Variants in KLF16 observed in about 807,000 individuals in gnomAD.
KLF16 encodes KLF transcription factor 16.
Under a neutral mutation model 6.1 loss-of-function variants are expected in KLF16, and 6 were observed. The ratio of observed to expected loss-of-function variants is 0.98; its 90% confidence interval spans 0.54 to 1.93. The LOEUF (loss-of-function observed/expected upper bound fraction) is 1.93. Ranked by LOEUF, KLF16 falls within the 30% of genes most tolerant of loss-of-function variation. The pLI, the probability that KLF16 is intolerant of heterozygous loss-of-function variation, is 0.01. For missense variants in KLF16, 355 were observed against 363.8 expected (o/e 0.98, Z 0.20); for synonymous variants, 211 against 176.5 (o/e 1.20, Z -1.55).
At chr19:1,860,655 G>C (rs144665216) in intron 1 of KLF16, among the ~76,000 whole-genome samples, 176 of 152,276 alleles carry the variant, frequency 1.2e-3, no homozygotes, top group African/African-American at 4.2e-3. Flanking sequence ...GGACAGCCCT[G>C]CAATGGGGCT....
At chr19:1,868,908 G>A in the KLF16 span, among the ~76,000 whole-genome samples, 1 of 152,126 alleles carries the variant, frequency 6.6e-6, no homozygotes, top group Admixed American at 6.5e-5. Context: ...CTCCCAAAGT[G>A]CTAGGATTAT....
At chr19:1,873,085 C>T in the KLF16 span, among the ~76,000 whole-genome samples, 6,167 of 152,306 alleles carry the variant, frequency 0.04, 393 homozygotes, top group African/African-American at 0.14. Flanking sequence ...GACAGAATCA[C>T]AGCCAAGCAG....
upstream of KLF16, among the ~76,000 whole-genome samples, chr19:1,867,967 C>T (rs1008244040): frequency 2.7e-5 from 4 of 148,210 alleles, no homozygotes; most frequent in Non-Finnish European, 4.4e-5. Context: ...TGTGTGCGTG[C>T]GCGCATGCAC....
Position 1,857,639 on chromosome 19 carries a change from C to T in KLF16, c.458-2879G>A, listed in dbSNP as rs1330003964. ...CCTGGTTCCGACAGGGAAGCCTCAC[C>T]TCCTGAGCTTGTCTGGGGGGCCTTG... is the stretch of plus-strand genomic sequence containing the variant. On this transcript the variant is annotated intron_variant, in intron 1 of 1. Coordinates refer to ENST00000250916, the MANE Select transcript of KLF16 (RefSeq NM_031918.4). This position sits in a 1 kb window ranked among gnomAD's most constrained non-coding sequence, Gnocchi z 4.7. Among the ~76,000 whole-genome samples the T allele has an allele frequency of 1.3e-5, 2 of 151,978 alleles. No homozygotes were observed. The highest frequency in any genetic ancestry group is 4.8e-5 in the African/African-American group (2 of 41,386).
the KLF16 span, chr19:1,875,751 G>C: frequency 3.9e-5 from 6 of 152,722 alleles, no homozygotes; most frequent in South Asian, 1.2e-3. Context: ...CACGGGATGC[G>C]GGGAGGCTCT....
chr19:1,863,978 C>A (rs990316314), upstream of KLF16, among the ~76,000 whole-genome samples: 2 of 145,462 alleles, frequency 1.4e-5, no homozygotes, highest in Non-Finnish European at 3.1e-5. Flanking sequence ...GGAGCACCAC[C>A]CCCTCAAGCC....
chr19:1,862,749 G>A (rs1489854459), intron 1 of KLF16: 3 of 365,396 alleles, frequency 8.2e-6, no homozygotes, highest in Admixed American at 4.7e-5. Flanking sequence ...GGCCCAGAAA[G>A]GGAGAGAGGT....
the KLF16 span, chr19:1,874,768 A>AC: frequency 1.4e-5 from 2 of 148,064 alleles, no homozygotes; most frequent in South Asian, 4.2e-4. Flanking sequence ...AAAAAAAAAA[A>AC]AAAAAAAAAC....
chr19:1,862,738 A>C, intron 1 of KLF16: 4 of 345,540 alleles, frequency 1.2e-5, no homozygotes, highest in East Asian at 4.1e-5. Flanking sequence ...AAACGGAACA[A>C]GGCCCAGAAA....
the KLF16 span, among the ~76,000 whole-genome samples, chr19:1,873,537 C>G: frequency 6.6e-6 from 1 of 152,232 alleles, no homozygotes; most frequent in African/African-American, 2.4e-5. Flanking sequence ...GTACCAGGAG[C>G]AGGTGACACA....
At chr19:1,870,753 T>G in the KLF16 span, among the ~76,000 whole-genome samples, 1 of 152,084 alleles carries the variant, frequency 6.6e-6, no homozygotes. Context: ...CCCAGCACTT[T>G]GGGAGGCAGA....
intron 1 of KLF16, among the ~76,000 whole-genome samples, chr19:1,859,769 G>A (rs2012026101): frequency 6.6e-6 from 1 of 152,190 alleles, no homozygotes; most frequent in South Asian, 2.1e-4. Flanking sequence ...GGGATGCTGG[G>A]TGCTGGCCTG....
upstream of KLF16, among the ~76,000 whole-genome samples, chr19:1,865,284 G>T (rs1440227574): frequency 6.6e-6 from 1 of 152,148 alleles, no homozygotes. Flanking sequence ...GTGGGCGCTG[G>T]GGGTCGGCGT....
Position 1,858,853 on chromosome 19 carries a change from G to GC in KLF16, c.458-4094dup, listed in dbSNP as rs1355406200. Reference sequence around the variant, plus strand: ...CAGAAATGGTCTAAGCCAGGGTGGTGCCCCCCGCCCCCACAGCTCACCCTG... The same window carrying GC: ...CAGAAATGGTCTAAGCCAGGGTGGTGCCCCCCCGCCCCCACAGCTCACCCTG... On this transcript the variant is annotated intron_variant, in intron 1 of 1. Coordinates refer to ENST00000250916, the MANE Select transcript of KLF16 (RefSeq NM_031918.4). Among the ~76,000 whole-genome samples the GC allele has an allele frequency of 3.9e-5, 6 of 152,104 alleles. No homozygotes were observed. In the East Asian group the frequency reaches 1.2e-3, roughly 29 times the overall value.
upstream of KLF16, among the ~76,000 whole-genome samples, chr19:1,863,906 G>A (rs1031930082): frequency 6.7e-6 from 1 of 148,398 alleles, no homozygotes; most frequent in African/African-American, 2.5e-5. Flanking sequence ...AGGGTGCAAG[G>A]CCGGGAGCCC....
At chr19:1,875,934 C>A in the KLF16 span, 1 of 152,324 alleles carries the variant, frequency 6.6e-6, no homozygotes, top group Non-Finnish European at 1.5e-5. Flanking sequence ...TCCTTCCGAA[C>A]GTCCCGTAGC....
upstream of KLF16, among the ~76,000 whole-genome samples, chr19:1,865,427 G>T (rs929369092): frequency 6.6e-6 from 1 of 152,238 alleles, no homozygotes; most frequent in Admixed American, 6.5e-5. Flanking sequence ...GGACAGGTGT[G>T]TCTTGAGGCC....
At chr19:1,872,166 T>C in the KLF16 span, among the ~76,000 whole-genome samples, 1,838 of 152,294 alleles carry the variant, frequency 0.012, 25 homozygotes, top group Non-Finnish European at 0.019. Flanking sequence ...AGTCTTGCTG[T>C]GTTGCCCAGG....
chr19:1,874,380 C>T, the KLF16 span, among the ~76,000 whole-genome samples: 3 of 151,992 alleles, frequency 2.0e-5, no homozygotes, highest in African/African-American at 7.3e-5. Flanking sequence ...GAAAAGAATG[C>T]TTTTTTGGGA....
Sources: gnomAD v4.1 joint callset for allele counts (sites outside exome capture counted in the v4.1 genomes callset) on GRCh38, gnomAD v4.1.1 for gene constraint, Gnocchi (gnomAD v3.1) non-coding constraint, MANE v1.5 for transcripts, NCBI Gene and HGNC (gene_info 2026-07-23, HGNC 2026-07-21) for gene names.